NR1H4: variants seen among roughly 807,000 people sequenced by gnomAD.
NR1H4 encodes nuclear receptor subfamily 1 group H member 4, also known as bile acid receptor.
A neutral mutation model predicts 58.5 loss-of-function variants in NR1H4; 23 were observed. That is an observed-to-expected ratio of 0.39 (90% CI 0.28 to 0.56). The LOEUF (loss-of-function observed/expected upper bound fraction) is 0.56, where lower values mean the gene tolerates loss of function less well. Among genes scored for constraint, NR1H4 ranks in the 20% least tolerant of loss-of-function variants. The pLI, the probability that NR1H4 is intolerant of heterozygous loss-of-function variation, is 0.58. For missense variants in NR1H4, 487 were observed against 576.9 expected (o/e 0.84, Z 1.60); for synonymous variants, 214 against 198.0 (o/e 1.08, Z -0.68).
chr12:100,510,019 A>C (rs911321633), intron 3 of NR1H4, among the ~76,000 whole-genome samples: 3 of 152,238 alleles, frequency 2.0e-5, no homozygotes, highest in Non-Finnish European at 4.4e-5. Context: ...ATATTGTAGA[A>C]AATTTCCATA....
rs545466517 is a variant in NR1H4 at position 100,531,524 on chromosome 12, A to C, written c.446-934A>C. Reference sequence around the variant, plus strand: ...AGAGGTCTCTAAACAACCCAACCCAATGGAGAAAGAGACAACTTTGAAAAC... The same window carrying C: ...AGAGGTCTCTAAACAACCCAACCCACTGGAGAAAGAGACAACTTTGAAAAC... On this transcript the variant is annotated intron_variant, in intron 4 of 10. Coordinates refer to ENST00000392986, the MANE Select transcript of NR1H4 (RefSeq NM_001206979.2). Among the ~76,000 whole-genome samples the C allele has an allele frequency of 5.0e-4, 76 of 152,328 alleles. 2 individuals carry two copies. Among genetic ancestry groups the C allele is most frequent in the Middle Eastern group, 6.8e-3 (2 of 294 alleles).
At chr12:100,497,285 T>A (rs1417074899) in intron 3 of NR1H4, among the ~76,000 whole-genome samples, 3 of 151,962 alleles carry the variant, frequency 2.0e-5, no homozygotes, top group Admixed American at 2.0e-4. Flanking sequence ...CTGTCTCCTG[T>A]GGGATTAGAG....
At chr12:100,563,165 C>A in intron 10 of NR1H4, 86 bp from the exon 11 acceptor site, 2 of 1,071,988 alleles carry the variant, frequency 1.9e-6, no homozygotes, top group Non-Finnish European at 2.8e-6. Flanking sequence ...ACTTACACTT[C>A]AAAATAGTTA....
chr12:100,493,552 G>A (rs923349757), intron 3 of NR1H4, 150 bp downstream of exon 3: 4 of 622,826 alleles, frequency 6.4e-6, no homozygotes, highest in Non-Finnish European at 1.2e-5. Context: ...ACTCTGCAAG[G>A]TTAGAGGTAG....
intron 9 of NR1H4, among the ~76,000 whole-genome samples, chr12:100,546,505 C>A (rs1465320061): frequency 2.6e-5 from 4 of 151,942 alleles, no homozygotes; most frequent in Non-Finnish European, 5.9e-5. Flanking sequence ...ACCAGCTTGG[C>A]CAACATAGTG....
rs561082095 is a variant in NR1H4, at chr12:100,488,258, C to G, written c.-189-4245C>G. Among the ~76,000 whole-genome samples, 6 of 152,282 alleles carry G rather than the reference C, an allele frequency of 3.9e-5. No individual in the cohort carries two copies. In the South Asian group the frequency reaches 6.2e-4, roughly 16 times the overall value. ...CAAGTAATCCGCCCACCTCAGCCTC[C>G]CAAAGTGCTGGGATTACAGGCGTGA... On this transcript the variant is annotated intron_variant, in intron 1 of 10. Transcript: ENST00000392986.
chr12:100,527,910 C>T (rs937349241), intron 4 of NR1H4, among the ~76,000 whole-genome samples: 1 of 152,014 alleles, frequency 6.6e-6, no homozygotes, highest in Non-Finnish European at 1.5e-5. Flanking sequence ...TAGTATCTGC[C>T]TCATTGGATT....
At chr12:100,515,145 C>A (rs1490801327) in intron 4 of NR1H4, among the ~76,000 whole-genome samples, 1 of 149,882 alleles carries the variant, frequency 6.7e-6, no homozygotes, top group Non-Finnish European at 1.5e-5. Flanking sequence ...ATGAAGTTTG[C>A]CTTTGCCATT....
chr12:100,532,487 G>T lies in NR1H4; in HGVS notation c.475G>T (p.Ala159Ser), dbSNP rs200231287. 6 of 1,614,120 alleles carry T rather than the reference G, an allele frequency of 3.7e-6. No individual in the cohort carries two copies. In the South Asian group the frequency reaches 4.4e-5, roughly 12 times the overall value. The part of the protein sequence containing the change: ...GFFRRSITKN[A>S]VYKCKNGGNC... ...CTTCAGGAGAAGCATTACCAAAAAC[G>T]CTGTGTACAAGTGTAAAAACGGGGG... Residue 159 changes from alanine (A) to serine (S), a missense_variant, in exon 5 of 11, where the codon GCT becomes TCT. Coordinates refer to ENST00000392986, the MANE Select transcript of NR1H4 (RefSeq NM_001206979.2).
chr12:100,551,774 T>G (rs1235077488), intron 9 of NR1H4, among the ~76,000 whole-genome samples: 1 of 152,208 alleles, frequency 6.6e-6, no homozygotes, highest in Non-Finnish European at 1.5e-5. Flanking sequence ...AGAGGATTGG[T>G]TCTAAGATCT....
At chr12:100,488,850 T>G (rs1283548809) in intron 1 of NR1H4, among the ~76,000 whole-genome samples, 1 of 152,250 alleles carries the variant, frequency 6.6e-6, no homozygotes, top group Non-Finnish European at 1.5e-5. Context: ...AACTATTTTA[T>G]TTTTTAGTGA....
intron 1 of NR1H4, among the ~76,000 whole-genome samples, chr12:100,483,938 C>T (rs552797131): frequency 2.8e-5 from 4 of 143,438 alleles, no homozygotes; most frequent in East Asian, 2.1e-4. Flanking sequence ...GAACTGAGGT[C>T]GTGCCACTGC....
intron 5 of NR1H4, among the ~76,000 whole-genome samples, chr12:100,534,656 ATAT>A (rs1332962585): frequency 1.3e-5 from 2 of 152,196 alleles, no homozygotes; most frequent in Non-Finnish European, 2.9e-5. Flanking sequence ...TATGAGGTAG[ATAT>A]TATTCCCATT....
At chr12:100,529,244 A>G (rs1285986459) in intron 4 of NR1H4, among the ~76,000 whole-genome samples, 1 of 152,148 alleles carries the variant, frequency 6.6e-6, no homozygotes, top group African/African-American at 2.4e-5. Flanking sequence ...TTCATATTTC[A>G]TGAGTTACCA....
chr12:100,491,887 C>T (rs58827048), intron 1 of NR1H4, among the ~76,000 whole-genome samples: 23,778 of 151,988 alleles, frequency 0.16, 3,904 homozygotes, highest in East Asian at 0.45. Context: ...TACATCCTCC[C>T]TCCGCTACTT....
chr12:100,561,598 T>G (rs1023134662), intron 9 of NR1H4, among the ~76,000 whole-genome samples: 2 of 152,158 alleles, frequency 1.3e-5, no homozygotes, highest in Non-Finnish European at 2.9e-5. Flanking sequence ...CTTTTGGCAA[T>G]TCAAGAGCAT....
chr12:100,505,499 C>A, intron 3 of NR1H4: 1 of 665,356 alleles, frequency 1.5e-6, no homozygotes, highest in Non-Finnish European at 2.7e-6. Flanking sequence ...AGAAAGCTCC[C>A]TCAGATGGCA....
intron 4 of NR1H4, among the ~76,000 whole-genome samples, chr12:100,528,790 C>G (rs959110313): frequency 6.6e-6 from 1 of 152,164 alleles, no homozygotes; most frequent in African/African-American, 2.4e-5. Flanking sequence ...ATACCAGAGT[C>G]AAAAAACCCT....
intron 9 of NR1H4, among the ~76,000 whole-genome samples, chr12:100,548,354 A>C (rs1476423155): frequency 6.8e-6 from 1 of 147,610 alleles, no homozygotes; most frequent in Non-Finnish European, 1.5e-5. Flanking sequence ...GCAACAGAGC[A>C]AGACTCCATC....
Sources: gnomAD v4.1 joint callset for allele counts (sites outside exome capture counted in the v4.1 genomes callset) on GRCh38, gnomAD v4.1.1 for gene constraint, MANE v1.5 for transcripts, NCBI Gene and HGNC (gene_info 2026-07-23, HGNC 2026-07-21) for gene names.